The following MED16 variants were observed in gnomAD, a reference collection of about 807,000 sequenced individuals.
The protein encoded by MED16 is mediator of RNA polymerase II transcription subunit 16.
A neutral mutation model predicts 84.4 loss-of-function variants in MED16; 81 were observed. The observed-to-expected ratio is 0.96, with a 90% confidence interval of 0.80 to 1.15. MED16 has a LOEUF of 1.15. Among genes scored for constraint, MED16 ranks in the 50% most tolerant of loss-of-function variants. The probability of loss-of-function intolerance (pLI) is 0.00; values close to 1 mark genes in which losing one functional copy is unlikely to be tolerated. For synonymous variants in MED16, 897 were observed against 552.2 expected (o/e 1.62, Z -8.76); for missense variants, 1,585 against 1,245.9 (o/e 1.27, Z -4.10).
At position 874,004 on chromosome 19, in the gene MED16, G is replaced by A. The variant is rs551760587; in HGVS notation, c.1772-422C>T. ...GTTACACACCCAACAGATGCCTCTC[G>A]GATGGTGACTAGGGTGGTCCCACAG... is the stretch of plus-strand genomic sequence containing the variant. On this transcript the variant is annotated intron_variant, in intron 10 of 15. Coordinates refer to ENST00000325464, the MANE Select transcript of MED16 (RefSeq NM_005481.3). Among the ~76,000 whole-genome samples, 12 of 152,320 alleles carry A rather than the reference G, an allele frequency of 7.9e-5. No homozygotes were observed. In the South Asian group the frequency reaches 1.7e-3, roughly 21 times the overall value.
chr19:871,704 G>T (rs562827905), intron 12 of MED16: 6 of 1,443,910 alleles, frequency 4.2e-6, no homozygotes, highest in East Asian at 2.3e-5. Flanking sequence ...ACTGCCACCT[G>T]CAGGGGCTTA....
At position 882,814 on chromosome 19, in the gene MED16, C is replaced by T. The variant is rs573399068; in HGVS notation, c.986-1100G>A. ...CCACGCAGCTGCTCTGTGCCACCCG[C>T]ATCATGAGGTCTCTGCCCCGGACGG... On this transcript the variant is annotated intron_variant, in intron 6 of 15. Coordinates refer to ENST00000325464, the MANE Select transcript of MED16 (RefSeq NM_005481.3). Among the ~76,000 whole-genome samples, 27 of 152,366 alleles carry T rather than the reference C, an allele frequency of 1.8e-4. 1 individual carries two copies. In the South Asian group the frequency reaches 5.6e-3, roughly 32 times the overall value.
intron 9 of MED16, 77 bp downstream of exon 9, chr19:876,897 G>GCCCCACCTGCCATGGGAC: frequency 7.4e-7 from 1 of 1,357,592 alleles, no homozygotes; most frequent in Non-Finnish European, 9.7e-7. Flanking sequence ...CTGCCACGGG[G>GCCCCACCTGCCATGGGAC]CCCCACCTGC....
chr19:890,012 G>A (rs2036601854), intron 3 of MED16, 125 bp downstream of exon 3: 1 of 842,278 alleles, frequency 1.2e-6, no homozygotes, highest in Non-Finnish European at 1.8e-6. Context: ...AGAGCAGCAG[G>A]TGCAAAGCTG....
intron 1 of MED16, among the ~76,000 whole-genome samples, chr19:891,375 G>A (rs913476187): frequency 2.0e-5 from 3 of 152,224 alleles, no homozygotes; most frequent in Non-Finnish European, 4.4e-5. Flanking sequence ...GTGGGAGCCC[G>A]GGAGGGCTGG....
Position 877,160 on chromosome 19 carries a change from T to A in MED16, c.1374A>T (p.Ser458=). Residue 458 remains serine, a synonymous_variant, in exon 9 of 16, where the codon TCA becomes TCT. Coordinates refer to ENST00000325464, the MANE Select transcript of MED16 (RefSeq NM_005481.3). ...CCTCCAGCGGGTGGCCCATGGAAGGTGAGAGGCGGAGCACGCTCAGCTGCC... is the reference window on the plus strand; with the variant it reads ...CCTCCAGCGGGTGGCCCATGGAAGGAGAGAGGCGGAGCACGCTCAGCTGCC... ...SHGKLSVLRL[S]PSMGHPLEVG... 3.1e-6 allele frequency: 5 copies of A among 1,610,934 alleles called. No homozygotes were observed. The highest frequency in any genetic ancestry group is 4.2e-6 in the Non-Finnish European group (5 of 1,179,360).
At chr19:882,907 G>T (rs117376574) in intron 6 of MED16, among the ~76,000 whole-genome samples, 8,362 of 152,254 alleles carry the variant, frequency 0.055, 319 homozygotes, top group Non-Finnish European at 0.083. Context: ...AGCATTCCCT[G>T]GGGGGAAACA....
At chr19:873,792 C>T (rs958839403) in intron 10 of MED16, among the ~76,000 whole-genome samples, 9 of 152,094 alleles carry the variant, frequency 5.9e-5, no homozygotes, top group South Asian at 2.1e-4. Context: ...GGCCGCTGTG[C>T]TCAGCACCAA....
intron 11 of MED16, 105 bp downstream of exon 11, chr19:873,330 CGGGACTCCAACTAG>C (rs2036142508): frequency 9.9e-5 from 25 of 252,342 alleles, no homozygotes; most frequent in Non-Finnish European, 1.2e-4. Flanking sequence ...CAAGTAGGGG[CGGGACTCCAACTAG>C]GGGCGGGGCT....
chr19:874,975 C>T (rs1314129900), intron 10 of MED16, among the ~76,000 whole-genome samples: 1 of 151,660 alleles, frequency 6.6e-6, no homozygotes, highest in Non-Finnish European at 1.5e-5. Flanking sequence ...CCAGCCTGGC[C>T]AACATGGTGA....
chr19:882,283 G>A (rs1414106169), intron 6 of MED16, among the ~76,000 whole-genome samples: 2 of 152,234 alleles, frequency 1.3e-5, no homozygotes, highest in African/African-American at 4.8e-5. Flanking sequence ...CAACGCCAGA[G>A]GATGGCTTGA....
intron 1 of MED16, among the ~76,000 whole-genome samples, chr19:892,069 G>A (rs541675290): frequency 6.6e-6 from 1 of 152,150 alleles, no homozygotes; most frequent in East Asian, 1.9e-4. Context: ...CCGAGGCGGG[G>A]GCTGAGTGTC....
chr19:878,916 A>AGCCCCAGCCCCGGCCCCG (rs1395467328), intron 8 of MED16, among the ~76,000 whole-genome samples: 1 of 79,710 alleles, frequency 1.3e-5, no homozygotes, highest in Admixed American at 1.3e-4. Flanking sequence ...AATGTCCACC[A>AGCCCCAGCCCCGGCCCCG]GCCCCGGCCC....
intron 5 of MED16, among the ~76,000 whole-genome samples, chr19:885,512 T>C (rs1599340631): frequency 6.6e-6 from 1 of 150,446 alleles, no homozygotes; most frequent in Admixed American, 6.6e-5. Flanking sequence ...ATGTGGGAGG[T>C]TGAGATTCAG....
At chr19:887,517 T>G (rs111955506) in intron 4 of MED16, among the ~76,000 whole-genome samples, 3 of 151,714 alleles carry the variant, frequency 2.0e-5, no homozygotes, top group Non-Finnish European at 4.4e-5. Flanking sequence ...AATACAAAAA[T>G]TAGCCGGGCG....
At chr19:871,338 T>A in intron 12 of MED16, 85 bp from the exon 13 acceptor site, 1 of 1,411,396 alleles carries the variant, frequency 7.1e-7, no homozygotes, top group Non-Finnish European at 9.5e-7. Context: ...CCCCTCCAGT[T>A]CAGGAGCACC....
chr19:885,151 T>G, intron 5 of MED16, 143 bp from the exon 6 acceptor site: 1 of 635,404 alleles, frequency 1.6e-6, no homozygotes, highest in Non-Finnish European at 2.8e-6. Context: ...CCCTCCTGGA[T>G]TCCAGCCCAG....
chr19:880,161 G>A lies in MED16; in HGVS notation c.1142-13C>T, dbSNP rs778233710. 1.8e-5 allele frequency: 29 copies of A among 1,602,586 alleles called. No homozygotes were observed. In the Middle Eastern group the frequency reaches 6.6e-4, roughly 37 times the overall value. ...GCCAGGGCCAGCCCTGTGGGGCACA[G>A]GCACTGCTTAGACATGGGCAGGGCC... On this transcript the variant is annotated splice_polypyrimidine_tract_variant and intron_variant, in intron 7 of 15. Transcript: ENST00000325464.
chr19:868,500 C>G lies in MED16; in HGVS notation c.2400-1G>C, dbSNP rs1395959108. 9 of 1,609,756 alleles carry G rather than the reference C, an allele frequency of 5.6e-6. No homozygotes were observed. Among genetic ancestry groups the G allele is most frequent in the East Asian group, 2.2e-5 (1 of 44,894 alleles). Reference sequence around the variant, plus strand: ...CTTGAGCATGGTGACACAGCCGCACCTGCGGGGAGGCAGGCACTGAGCGGG... The same window carrying G: ...CTTGAGCATGGTGACACAGCCGCACGTGCGGGGAGGCAGGCACTGAGCGGG... On this transcript the variant is annotated splice_acceptor_variant, in intron 14 of 15. Transcript: ENST00000325464. LOFTEE classifies it high-confidence loss of function.
Sources: gnomAD v4.1 joint callset for allele counts (sites outside exome capture counted in the v4.1 genomes callset) on GRCh38, gnomAD v4.1.1 for gene constraint, MANE v1.5 for transcripts, NCBI Gene and HGNC (gene_info 2026-07-23, HGNC 2026-07-21) for gene names.